The following BACE2 variants were observed in gnomAD, a reference collection of about 807,000 sequenced individuals.
BACE2 encodes the protein beta-secretase 2.
A neutral mutation model predicts 46.2 loss-of-function variants in BACE2; 17 were observed. That is an observed-to-expected ratio of 0.37 (90% CI 0.25 to 0.55). The LOEUF (loss-of-function observed/expected upper bound fraction) is 0.55, where lower values mean the gene tolerates loss of function less well. Among genes scored for constraint, BACE2 ranks in the 20% least tolerant of loss-of-function variants. BACE2 has a pLI of 0.82. For missense variants in BACE2, 595 were observed against 698.1 expected, an observed-to-expected ratio of 0.85 and a Z score of 1.66; for synonymous variants, 277 against 295.9, an observed-to-expected ratio of 0.94 and a Z score of 0.66.
Position 41,247,664 on chromosome 21 carries a change from G to A in BACE2, c.984+1601G>A, listed in dbSNP as rs142329681. On this transcript the variant is annotated intron_variant, in intron 6 of 8. Coordinates refer to ENST00000330333, the MANE Select transcript of BACE2 (RefSeq NM_012105.5). ...TGTGCCGTGAGAGGCGGGGCGGCGGGGCCGTGGGGCGCTCGCACTCCCGAG... is the reference window on the plus strand; with the variant it reads ...TGTGCCGTGAGAGGCGGGGCGGCGGAGCCGTGGGGCGCTCGCACTCCCGAG... 2.3e-3 allele frequency among the ~76,000 whole-genome samples: 350 copies of A among 152,334 alleles called. 2 individuals carry two copies. The highest frequency in any genetic ancestry group is 3.4e-3 in the Non-Finnish European group (233 of 68,030).
At chr21:41,216,599 G>C (rs920257030) in intron 1 of BACE2, among the ~76,000 whole-genome samples, 6 of 152,254 alleles carry the variant, frequency 3.9e-5, no homozygotes, top group African/African-American at 7.2e-5. Flanking sequence ...CTGGGCGTGT[G>C]AGAACGAGCT....
chr21:41,178,288 TC>T (rs1450740961), intron 1 of BACE2: 1 of 152,164 alleles, frequency 6.6e-6, no homozygotes, highest in Non-Finnish European at 1.5e-5. Context: ...ATCCTTAAGG[TC>T]CTGTATTGTT....
chr21:41,203,154 C>T (rs1285623297), intron 1 of BACE2, among the ~76,000 whole-genome samples: 1 of 152,172 alleles, frequency 6.6e-6, no homozygotes, highest in Admixed American at 6.5e-5. Flanking sequence ...GGCAGGACAA[C>T]ATGTTGTAGG....
intron 8 of BACE2, among the ~76,000 whole-genome samples, chr21:41,261,286 G>A (rs1000822888): frequency 6.6e-6 from 1 of 152,078 alleles, no homozygotes; most frequent in Non-Finnish European, 1.5e-5. Flanking sequence ...GACTGTATTT[G>A]TTTTGTCTTT....
At chr21:41,258,619 C>A (rs977276759) in intron 8 of BACE2, among the ~76,000 whole-genome samples, 4 of 152,102 alleles carry the variant, frequency 2.6e-5, no homozygotes, top group Non-Finnish European at 5.9e-5. Flanking sequence ...AGCAGAGTGG[C>A]CTTTCAGAAA....
chr21:41,214,238 C>T (rs1186407249), intron 1 of BACE2, among the ~76,000 whole-genome samples: 1 of 152,188 alleles, frequency 6.6e-6, no homozygotes, highest in Non-Finnish European at 1.5e-5. Context: ...ACCCCAAGCC[C>T]TGCGTGCATT....
At chr21:41,229,176 G>T (rs971696628) in intron 2 of BACE2, among the ~76,000 whole-genome samples, 1 of 152,208 alleles carries the variant, frequency 6.6e-6, no homozygotes, top group Non-Finnish European at 1.5e-5. Flanking sequence ...CCAGCCCTGT[G>T]TTGTTTCCAC....
intron 2 of BACE2, among the ~76,000 whole-genome samples, chr21:41,233,831 T>TGG (rs1315206471): frequency 5.9e-5 from 9 of 152,212 alleles, no homozygotes; most frequent in East Asian, 3.9e-4. Context: ...CATGGTGGCA[T>TGG]GCGCCTGTAA....
In BACE2 at chr21:41,189,426, T is replaced by C. The variant is rs539941261; in HGVS notation, c.312+20851T>C. The stretch of plus-strand genomic sequence containing the variant: ...TTTAGTTTTCAGGATCACTTTCTTT[T>C]TCTCTGAATGCTTCTGTTTTTGTTT... On this transcript the variant is annotated intron_variant, in intron 1 of 8. Coordinates refer to ENST00000330333, the MANE Select transcript of BACE2 (RefSeq NM_012105.5). Among the ~76,000 whole-genome samples the C allele has an allele frequency of 5.3e-5, 8 of 152,360 alleles. 1 individual carries two copies. The South Asian group carries it at 1.7e-3, about 32-fold the overall frequency.
rs760647868 is a variant in BACE2, at chr21:41,237,632, T to A, written c.521T>A (p.Leu174His). The part of the protein sequence containing the change: ...TIPKGFNTSF[L>H]VNIATIFESE... ...CCCAAAGGCTTCAATACTTCTTTTC[T>A]TGTCAACATTGCCACTATTTTTGAA... The change falls in exon 3 of 9, where the codon CTT becomes CAT. Residue 174 changes from leucine to histidine, a missense_variant. Physicochemically the swap from Leu to His is moderately conservative, Grantham distance 99 (BLOSUM62 -3). Around this residue, in one of 3 missense-constraint regions of BACE2, gnomAD observed 248 missense variants for 261.4 expected, o/e 0.95. Coordinates refer to ENST00000330333, the MANE Select transcript of BACE2 (RefSeq NM_012105.5). 2 of 1,614,230 alleles carry A rather than the reference T, an allele frequency of 1.2e-6. No homozygotes were observed. Among genetic ancestry groups the A allele is most frequent in the East Asian group, 4.5e-5 (2 of 44,890 alleles).
chr21:41,269,421 G>T (rs2088413455), intron 8 of BACE2, among the ~76,000 whole-genome samples: 1 of 152,118 alleles, frequency 6.6e-6, no homozygotes, highest in South Asian at 2.1e-4. Context: ...TGTTATATGT[G>T]TGCGCACCTT....
intron 1 of BACE2, among the ~76,000 whole-genome samples, chr21:41,199,465 C>T (rs967905214): frequency 2.6e-5 from 4 of 152,122 alleles, no homozygotes; most frequent in East Asian, 1.9e-4. Flanking sequence ...AGCACCTGGA[C>T]GGAAGTGTCT....
intron 1 of BACE2, 39 bp from the exon 2 acceptor site, chr21:41,226,227 G>A: frequency 6.6e-7 from 1 of 1,509,942 alleles, no homozygotes; most frequent in Non-Finnish European, 9.1e-7. Flanking sequence ...AAAATAACTT[G>A]ATGCTTTCTA....
At chr21:41,217,492 C>A (rs187047152) in intron 1 of BACE2, among the ~76,000 whole-genome samples, 1 of 152,282 alleles carries the variant, frequency 6.6e-6, no homozygotes, top group Non-Finnish European at 1.5e-5. Flanking sequence ...CATCTTGCCT[C>A]CAGAAAGCAT....
At position 41,263,940 on chromosome 21, in the gene BACE2, C is replaced by G. The variant is rs138320446; in HGVS notation, c.1303+6614C>G. On this transcript the variant is annotated intron_variant, in intron 8 of 8. Transcript: ENST00000330333. ...TTAACTCTTCCACTATTGCCTCATG[C>G]ACATTCTTTCTAGTCTCTTCTTCTG... Among the ~76,000 whole-genome samples the G allele has an allele frequency of 1.1e-3, 166 of 152,316 alleles. 1 individual carries two copies. The highest frequency in any genetic ancestry group is 3.8e-3 in the African/African-American group (157 of 41,562).
At chr21:41,221,696 C>T (rs1443150547) in intron 1 of BACE2, among the ~76,000 whole-genome samples, 7 of 152,110 alleles carry the variant, frequency 4.6e-5, no homozygotes, top group Admixed American at 1.3e-4. Context: ...GGCGTGGTGG[C>T]GGGAGCCTGT....
chr21:41,263,628 C>A (rs1987995315), intron 8 of BACE2, among the ~76,000 whole-genome samples: 2 of 152,156 alleles, frequency 1.3e-5, no homozygotes, highest in African/African-American at 4.8e-5. Context: ...CCTGTGTTCC[C>A]TTAGTGTTTT....
chr21:41,243,886 A>G (rs1987377786), intron 5 of BACE2, among the ~76,000 whole-genome samples: 1 of 148,738 alleles, frequency 6.7e-6, no homozygotes, highest in Admixed American at 6.6e-5. Context: ...GACGAAAATT[A>G]AGCAAAATGA....
In BACE2 at chr21:41,193,334, T is replaced by G. The variant is rs1985637184; in HGVS notation, c.312+24759T>G. On this transcript the variant is annotated intron_variant, in intron 1 of 8. Transcript: ENST00000330333. This position sits in a 1 kb window ranked among gnomAD's most constrained non-coding sequence, Gnocchi z 4.2. The stretch of plus-strand genomic sequence containing the variant: ...ACCAGGTACCAGGAGGTGTGTTAAT[T>G]TGCTCAAGCAATGAAACCACATCTG... Among the ~76,000 whole-genome samples, 3 of 152,204 alleles carry G rather than the reference T, an allele frequency of 2.0e-5. No homozygotes were observed. The South Asian group carries it at 6.2e-4, about 32-fold the overall frequency.
Sources: allele counts gnomAD v4.1 joint callset (sites outside exome capture counted in the v4.1 genomes callset), GRCh38; gene constraint gnomAD v4.1.1; regional missense constraint gnomAD v4.1.1; non-coding constraint Gnocchi (gnomAD v3.1); transcripts MANE v1.5; gene names NCBI Gene and HGNC (gene_info 2026-07-23, HGNC 2026-07-21).